Variants in CDC7 observed in about 807,000 individuals in gnomAD.
CDC7 encodes cell division cycle 7-related protein kinase.
A neutral mutation model predicts 53.5 loss-of-function variants in CDC7; 34 were observed. That is an observed-to-expected ratio of 0.64 (90% CI 0.48 to 0.85). The LOEUF (loss-of-function observed/expected upper bound fraction) is 0.85, where lower values mean the gene tolerates loss of function less well. Among genes scored for constraint, CDC7 ranks in the 40% least tolerant of loss-of-function variants. The pLI is 0.00. For missense variants in CDC7, 594 were observed against 679.7 expected, an observed-to-expected ratio of 0.87 and a Z score of 1.40; for synonymous variants, 211 against 222.8, an observed-to-expected ratio of 0.95 and a Z score of 0.47.
In CDC7 at chr1:91,501,731, G is replaced by A; in HGVS notation, c.15G>A (p.Leu5=). Residue 5 remains leucine, a synonymous_variant, in exon 2 of 12, where the codon TTG becomes TTA. Transcript: ENST00000234626. MEAS[L]GIQMDEPMAF... The stretch of plus-strand genomic sequence containing the variant: ...ATTGGCTTGTGATGGAGGCGTCTTT[G>A]GGGATTCAGATGGATGAGCCAATGG... 1 of 1,613,830 alleles carries A rather than the reference G, an allele frequency of 6.2e-7. No individual in the cohort carries two copies. Among genetic ancestry groups the A allele is most frequent in the Non-Finnish European group, 8.5e-7 (1 of 1,179,804 alleles).
chr1:91,523,901 TG>T, intron 11 of CDC7, 139 bp from the exon 12 acceptor site: 1 of 59,930 alleles, frequency 1.7e-5, no homozygotes, highest in South Asian at 2.0e-4. Flanking sequence ...ATACTGTGTG[TG>T]TGTGTGTGTG....
At position 91,524,325 on chromosome 1, in the gene CDC7, C is replaced by G. The variant is rs1390594382; in HGVS notation, c.1615C>G (p.Pro539Ala). The change falls in exon 12 of 12, where the codon CCT (proline) becomes GCT (alanine). Residue 539 changes from proline (P) to alanine (A), a missense_variant. Transcript: ENST00000234626. ...CAATTTAGAAGGCTGGAATGAGGTACCTGATGAAGCTTATGACCTGCTTGA... is the reference window on the plus strand; with the variant it reads ...CAATTTAGAAGGCTGGAATGAGGTAGCTGATGAAGCTTATGACCTGCTTGA... Reference protein sequence around the residue: ...NTNLEGWNEVPDEAYDLLDKL... With the variant: ...NTNLEGWNEVADEAYDLLDKL... The G allele has an allele frequency of 1.2e-6, 2 of 1,613,832 alleles. No homozygotes were observed. The highest frequency in any genetic ancestry group is 2.2e-5 in the South Asian group (2 of 91,080).
At chr1:91,503,232 G>C (rs1175159067) in intron 2 of CDC7, among the ~76,000 whole-genome samples, 1 of 152,090 alleles carries the variant, frequency 6.6e-6, no homozygotes, top group African/African-American at 2.4e-5. Context: ...AAGTTTTGTA[G>C]CGTTTATGTA....
intron 2 of CDC7, among the ~76,000 whole-genome samples, chr1:91,505,417 C>A (rs1012633014): frequency 2.0e-5 from 3 of 152,116 alleles, no homozygotes; most frequent in African/African-American, 7.2e-5. Context: ...ATGTTGCAAG[C>A]CGACTGGCTA....
At chr1:91,508,554 G>C (rs1667109353) in intron 4 of CDC7, 157 bp downstream of exon 4, 1 of 564,568 alleles carries the variant, frequency 1.8e-6, no homozygotes, top group African/African-American at 2.0e-5. Context: ...CCTTGCAATA[G>C]TTAGTTAAAT....
intron 9 of CDC7, among the ~76,000 whole-genome samples, chr1:91,515,539 C>T (rs1477573214): frequency 6.6e-6 from 1 of 151,984 alleles, no homozygotes; most frequent in Non-Finnish European, 1.5e-5. Context: ...CTCTTATTAT[C>T]CACTACTGCT....
intron 11 of CDC7, among the ~76,000 whole-genome samples, chr1:91,522,892 T>C (rs1668040608): frequency 6.6e-6 from 1 of 152,228 alleles, no homozygotes. Flanking sequence ...CACAGTCAGA[T>C]TAATGACTTT....
intron 2 of CDC7, among the ~76,000 whole-genome samples, chr1:91,505,899 C>T (rs1666960817): frequency 6.6e-6 from 1 of 152,148 alleles, no homozygotes; most frequent in African/African-American, 2.4e-5. Flanking sequence ...TTTCTCCTCC[C>T]TTTCACATCT....
At chr1:91,507,222 G>A (rs1477808656) in intron 2 of CDC7, among the ~76,000 whole-genome samples, 1 of 152,130 alleles carries the variant, frequency 6.6e-6, no homozygotes, top group African/African-American at 2.4e-5. Context: ...TCTGTATCCA[G>A]TAGTTTACTG....
intron 4 of CDC7, among the ~76,000 whole-genome samples, chr1:91,510,761 T>G (rs550662682): frequency 6.6e-6 from 1 of 152,326 alleles, no homozygotes; most frequent in South Asian, 2.1e-4. Context: ...TCCTTCTGTT[T>G]TGTTTCTTCC....
chr1:91,515,503 A>G (rs945976549), intron 9 of CDC7, among the ~76,000 whole-genome samples: 1 of 152,084 alleles, frequency 6.6e-6, no homozygotes, highest in Non-Finnish European at 1.5e-5. Context: ...GTGAATTGCT[A>G]TTGGGTTCTA....
rs1242617408 is a variant in CDC7, at chr1:91,500,912, CAT to C, written c.-99_-98del. 1 of 152,246 alleles carries C rather than the reference CAT, an allele frequency of 6.6e-6. No homozygotes were observed. The highest frequency in any genetic ancestry group is 1.5e-5 in the Non-Finnish European group (1 of 68,058). 9.4% of individuals were successfully genotyped at this position (152,246 alleles called of 1,614,324 possible). A position where few individuals can be genotyped will look rare whatever the true frequency, so the allele number is the denominator to read the frequency against. ...GATCTCTTGGAGACGGCGACCCAGG[CAT>C]CTGGGGAGCCACAGAAGTCGTACTC... On this transcript the variant is annotated 5_prime_UTR_variant, in exon 1 of 12. Transcript: ENST00000234626.
chr1:91,522,115 A>G (rs1311177807), intron 11 of CDC7, among the ~76,000 whole-genome samples: 1 of 152,140 alleles, frequency 6.6e-6, no homozygotes, highest in Non-Finnish European at 1.5e-5. Flanking sequence ...CAGTGAGCCA[A>G]GATTGCACCA....
intron 2 of CDC7, among the ~76,000 whole-genome samples, chr1:91,505,430 A>AAC (rs1200654860): frequency 6.6e-6 from 1 of 152,198 alleles, no homozygotes; most frequent in Non-Finnish European, 1.5e-5. Context: ...ACTGGCTACT[A>AAC]TGTTACAGAT....
chr1:91,519,996 C>G, intron 10 of CDC7, 134 bp from the exon 11 acceptor site: 1 of 588,216 alleles, frequency 1.7e-6, no homozygotes, highest in Non-Finnish European at 2.7e-6. Flanking sequence ...CAATCAAAAT[C>G]TTTGGGTCTG....
At chr1:91,510,863 C>T (rs1170321187) in intron 4 of CDC7, among the ~76,000 whole-genome samples, 2 of 152,132 alleles carry the variant, frequency 1.3e-5, no homozygotes, top group African/African-American at 4.8e-5. Context: ...CTTTGACTTC[C>T]ATGCTAATAA....
At position 91,500,963 on chromosome 1, in the gene CDC7, G is replaced by GT. The variant is rs1666624810; in HGVS notation, c.-64+18dup. On this transcript the variant is annotated intron_variant, in intron 1 of 11. Coordinates refer to ENST00000234626, the MANE Select transcript of CDC7 (RefSeq NM_003503.4). ...TCCCTTAAACCGTGAGTTTCCGACG[G>GT]TTTGTTCCATGGCGCGGGATTGTGA... 6.6e-6 allele frequency: 1 copy of GT among 152,276 alleles called. No individual in the cohort carries two copies. The highest frequency in any genetic ancestry group is 2.1e-4 in the South Asian group (1 of 4,838). 9.4% of individuals were successfully genotyped at this position (152,276 alleles called of 1,614,324 possible). A position where few individuals can be genotyped will look rare whatever the true frequency, so the allele number is the denominator to read the frequency against.
At chr1:91,510,482 TACTG>T (rs1456119101) in intron 4 of CDC7, among the ~76,000 whole-genome samples, 6 of 152,160 alleles carry the variant, frequency 3.9e-5, no homozygotes, top group Non-Finnish European at 5.9e-5. Flanking sequence ...GCCAACTAAA[TACTG>T]AATGAATGAA....
In CDC7 at chr1:91,500,855, C is replaced by T. The variant is rs900332944; in HGVS notation, c.-157C>T. Reference sequence around the variant, plus strand: ...ACCAGAGCGGCGGCGGGAAGTGTTGCGCAGGCGCATCCGATCGACTCGGTA... The same window carrying T: ...ACCAGAGCGGCGGCGGGAAGTGTTGTGCAGGCGCATCCGATCGACTCGGTA... On this transcript the variant is annotated 5_prime_UTR_variant, in exon 1 of 12. Coordinates refer to ENST00000234626, the MANE Select transcript of CDC7 (RefSeq NM_003503.4). 9 of 152,258 alleles carry T rather than the reference C, an allele frequency of 5.9e-5. No individual in the cohort carries two copies. 9.4% of individuals were successfully genotyped at this position (152,258 alleles called of 1,614,324 possible). A position where few individuals can be genotyped will look rare whatever the true frequency, so the allele number is the denominator to read the frequency against.
Sources: allele counts gnomAD v4.1 joint callset (sites outside exome capture counted in the v4.1 genomes callset), GRCh38; gene constraint gnomAD v4.1.1; transcripts MANE v1.5; gene names NCBI Gene and HGNC (gene_info 2026-07-23, HGNC 2026-07-21).